ARHGAP15: variants seen among roughly 807,000 people sequenced by gnomAD.
ARHGAP15 encodes rho GTPase-activating protein 15.
Under a neutral mutation model 63.7 loss-of-function variants are expected in ARHGAP15, and 51 were observed. That is an observed-to-expected ratio of 0.80 (90% CI 0.64 to 1.01). ARHGAP15 has a LOEUF of 1.01. Ranked by LOEUF, ARHGAP15 falls within the 50% of genes least tolerant of loss-of-function variation. ARHGAP15 has a pLI of 0.00. For missense variants in ARHGAP15, 560 were observed against 564.6 expected (o/e 0.99, Z 0.08); for synonymous variants, 191 against 193.8 (o/e 0.99, Z 0.12).
intron 11 of ARHGAP15, among the ~76,000 whole-genome samples, chr2:143,592,953 G>A (rs1489469674): frequency 6.6e-6 from 1 of 152,188 alleles, no homozygotes. Flanking sequence ...CACTGGCACC[G>A]TTGTTCAAGG....
chr2:143,764,678 T>C (rs529975790), intron 13 of ARHGAP15, among the ~76,000 whole-genome samples: 1 of 152,262 alleles, frequency 6.6e-6, no homozygotes, highest in South Asian at 2.1e-4. Flanking sequence ...ATCCCTCCAC[T>C]AATGAGCTCT....
chr2:143,174,862 T>A (rs12691668), intron 2 of ARHGAP15, among the ~76,000 whole-genome samples: 46,544 of 151,938 alleles, frequency 0.31, 7,380 homozygotes, highest in South Asian at 0.47. Flanking sequence ...AAACACAATG[T>A]ATCCCGAAAA....
intron 9 of ARHGAP15, among the ~76,000 whole-genome samples, chr2:143,501,439 C>T (rs1435548020): frequency 1.3e-5 from 2 of 152,104 alleles, no homozygotes; most frequent in Non-Finnish European, 2.9e-5. Context: ...GAAATAATAT[C>T]GAAAGAGGAA....
intron 12 of ARHGAP15, among the ~76,000 whole-genome samples, chr2:143,699,849 G>C (rs2105413889): frequency 6.6e-6 from 1 of 152,210 alleles, no homozygotes; most frequent in Middle Eastern, 3.4e-3. Context: ...ATTGTGCTTG[G>C]TACATTACAT....
At position 143,653,164 on chromosome 2, in the gene ARHGAP15, TACA is replaced by T. The variant is rs749692784; in HGVS notation, c.1138+28903_1138+28905del. Among the ~76,000 whole-genome samples the T allele has an allele frequency of 2.6e-5, 4 of 152,254 alleles. No homozygotes were observed. In the East Asian group the frequency reaches 5.8e-4, roughly 22 times the overall value. Reference sequence around the variant, plus strand: ...AGGTTTCTCTTTTCTAGTCTGTTAATACAACAACTACATTGATAGATTTTTAAA... The same window carrying T: ...AGGTTTCTCTTTTCTAGTCTGTTAATACAACTACATTGATAGATTTTTAAA... On this transcript the variant is annotated intron_variant, in intron 12 of 13. Transcript: ENST00000295095.
intron 13 of ARHGAP15, among the ~76,000 whole-genome samples, chr2:143,749,317 A>G (rs183573162): frequency 5.3e-4 from 80 of 152,310 alleles, no homozygotes; most frequent in Admixed American, 5.2e-3. Flanking sequence ...ACATCTTCCA[A>G]TAAGTATGAA....
intron 13 of ARHGAP15, among the ~76,000 whole-genome samples, chr2:143,731,032 G>A (rs568041706): frequency 2.8e-5 from 4 of 143,556 alleles, no homozygotes; most frequent in Admixed American, 1.4e-4. Flanking sequence ...AGCAGCAATA[G>A]AGAGTAATAG....
intron 1 of ARHGAP15, among the ~76,000 whole-genome samples, chr2:143,154,850 A>G (rs1178152938): frequency 6.6e-6 from 1 of 151,936 alleles, no homozygotes; most frequent in Non-Finnish European, 1.5e-5. Context: ...ATTAAAATAA[A>G]TGGTGCTGAT....
At chr2:143,670,287 G>C (rs1682451735) in intron 12 of ARHGAP15, among the ~76,000 whole-genome samples, 2 of 152,028 alleles carry the variant, frequency 1.3e-5, no homozygotes, top group African/African-American at 4.8e-5. Context: ...TGTATTTCTA[G>C]TGCTACTGTA....
chr2:143,451,826 A>G (rs1271342868), intron 8 of ARHGAP15, among the ~76,000 whole-genome samples: 1 of 151,972 alleles, frequency 6.6e-6, no homozygotes, highest in Non-Finnish European at 1.5e-5. Flanking sequence ...CCAGCCACCC[A>G]CAGTCTTGTT....
At chr2:143,485,545 C>T (rs1459210685) in intron 8 of ARHGAP15, among the ~76,000 whole-genome samples, 1 of 152,092 alleles carries the variant, frequency 6.6e-6, no homozygotes, top group Non-Finnish European at 1.5e-5. Flanking sequence ...ATGAGAACTT[C>T]AGATGGCCCT....
At chr2:143,732,445 A>G (rs1272486612) in intron 13 of ARHGAP15, among the ~76,000 whole-genome samples, 3 of 152,188 alleles carry the variant, frequency 2.0e-5, no homozygotes, top group South Asian at 2.1e-4. Flanking sequence ...TCTTTGTGGA[A>G]GTATTAATCA....
At chr2:143,286,035 A>G (rs564942506) in intron 6 of ARHGAP15, among the ~76,000 whole-genome samples, 1 of 152,170 alleles carries the variant, frequency 6.6e-6, no homozygotes, top group Non-Finnish European at 1.5e-5. Flanking sequence ...GAAAATGTCT[A>G]CTCCAAATAT....
chr2:143,442,323 A>G (rs1000715667), intron 8 of ARHGAP15, among the ~76,000 whole-genome samples: 6 of 152,222 alleles, frequency 3.9e-5, no homozygotes, highest in Non-Finnish European at 4.4e-5. Flanking sequence ...GTCACTTACA[A>G]TGTTGTTTCT....
At position 143,149,881 on chromosome 2, in the gene ARHGAP15, G is replaced by A. The variant is rs185600591; in HGVS notation, c.-14-5596G>A. On this transcript the variant is annotated intron_variant, in intron 1 of 13. Coordinates refer to ENST00000295095, the MANE Select transcript of ARHGAP15 (RefSeq NM_018460.4). ...TCTATTGTTTTGTCAGGAAGCAGAG[G>A]AACATTTATAAATGATTAAACAGAA... 3.0e-3 allele frequency among the ~76,000 whole-genome samples: 450 copies of A among 152,090 alleles called. 2 individuals carry two copies. The highest frequency in any genetic ancestry group is 5.2e-3 in the Non-Finnish European group (350 of 67,944).
intron 6 of ARHGAP15, among the ~76,000 whole-genome samples, chr2:143,420,640 G>T (rs1189584196): frequency 6.6e-6 from 1 of 152,164 alleles, no homozygotes; most frequent in Non-Finnish European, 1.5e-5. Context: ...AGTCCGCTTA[G>T]AATCTTGCCA....
At chr2:143,387,771 C>G (rs557944614) in intron 6 of ARHGAP15, among the ~76,000 whole-genome samples, 3 of 151,986 alleles carry the variant, frequency 2.0e-5, no homozygotes, top group African/African-American at 7.2e-5. Context: ...TTCTTAACTG[C>G]TACTCCAGAA....
chr2:143,189,430 AT>A (rs1321530337), intron 2 of ARHGAP15, among the ~76,000 whole-genome samples: 1 of 148,594 alleles, frequency 6.7e-6, no homozygotes, highest in Non-Finnish European at 1.5e-5. Flanking sequence ...TTAAAAAAAA[AT>A]TGTTCTTTTG....
chr2:143,330,109 A>AC (rs1558897700), intron 6 of ARHGAP15, among the ~76,000 whole-genome samples: 8 of 83,826 alleles, frequency 9.5e-5, no homozygotes, highest in African/African-American at 1.4e-4. Context: ...AAAAAAAAAA[A>AC]AAAAAAAAAA....
Sources: gnomAD v4.1 joint callset for allele counts (sites outside exome capture counted in the v4.1 genomes callset) on GRCh38, gnomAD v4.1.1 for gene constraint, MANE v1.5 for transcripts, NCBI Gene and HGNC (gene_info 2026-07-23, HGNC 2026-07-21) for gene names.